FLRT2: variants seen among roughly 807,000 people sequenced by gnomAD.
FLRT2 encodes leucine-rich repeat transmembrane protein FLRT2.
FLRT2 carries 15 observed loss-of-function variants against 40.0 expected under a neutral mutation model. That is an observed-to-expected ratio of 0.38 (90% CI 0.25 to 0.58). FLRT2 has a LOEUF of 0.58. Among genes scored for constraint, FLRT2 ranks in the 20% least tolerant of loss-of-function variants. The pLI is 0.71. For synonymous variants in FLRT2, 380 were observed against 336.8 expected, an observed-to-expected ratio of 1.13 and a Z score of -1.41; for missense variants, 726 against 840.0, an observed-to-expected ratio of 0.86 and a Z score of 1.68.
At chr14:85,552,501 C>A (rs538182134) in intron 1 of FLRT2, among the ~76,000 whole-genome samples, 141 of 152,186 alleles carry the variant, frequency 9.3e-4, no homozygotes, top group Non-Finnish European at 1.8e-3. Context: ...AGGTGAGTAT[C>A]ACTGATGTTT....
intron 1 of FLRT2, among the ~76,000 whole-genome samples, chr14:85,572,886 T>G (rs1006187083): frequency 6.6e-6 from 1 of 152,162 alleles, no homozygotes; most frequent in East Asian, 1.9e-4. Flanking sequence ...TCTTATGGCC[T>G]GTGGAACCTG....
At chr14:85,577,160 C>A (rs556138506) in intron 1 of FLRT2, among the ~76,000 whole-genome samples, 1 of 152,212 alleles carries the variant, frequency 6.6e-6, no homozygotes, top group African/African-American at 2.4e-5. Flanking sequence ...TTTGGGGGAA[C>A]CCTATTTAAA....
chr14:85,621,741 A>G lies in FLRT2; in HGVS notation c.227A>G (p.Asn76Ser). 5.6e-6 allele frequency: 9 copies of G among 1,614,160 alleles called. No individual in the cohort carries two copies. The highest frequency in any genetic ancestry group is 7.6e-6 in the Non-Finnish European group (9 of 1,180,026). Residue 76 changes from asparagine to serine, a missense_variant, in exon 2 of 2, where the codon AAT becomes AGT. Asn to Ser is a conservative substitution (Grantham distance 46). Coordinates refer to ENST00000330753, the MANE Select transcript of FLRT2 (RefSeq NM_013231.6). ...TVLYLHNNQI[N>S]NAGFPAELHN... ...CTCTACCTCCACAACAACCAAATTA[A>G]TAATGCTGGATTTCCTGCAGAACTG... is the stretch of plus-strand genomic sequence containing the variant.
intron 1 of FLRT2, among the ~76,000 whole-genome samples, chr14:85,533,141 G>C (rs547416314): frequency 6.6e-6 from 1 of 152,302 alleles, no homozygotes; most frequent in East Asian, 1.9e-4. Flanking sequence ...GAGGGACTCC[G>C]GGAGAGAGGG....
At chr14:85,615,377 A>G (rs1266415253) in intron 1 of FLRT2, among the ~76,000 whole-genome samples, 1 of 152,226 alleles carries the variant, frequency 6.6e-6, no homozygotes, top group Non-Finnish European at 1.5e-5. Flanking sequence ...TGCCAAGAGC[A>G]TAGCTTTTCC....
intron 1 of FLRT2, among the ~76,000 whole-genome samples, chr14:85,532,719 A>C (rs1413361611): frequency 6.6e-6 from 1 of 152,206 alleles, no homozygotes; most frequent in Non-Finnish European, 1.5e-5. Context: ...GTCCAGGATG[A>C]GGGAACTAGT....
Position 85,628,032 on chromosome 14 carries a change from T to C in FLRT2, c.*4535T>C, listed in dbSNP as rs1036554391. 4.4e-5 allele frequency: 7 copies of C among 159,286 alleles called. No homozygotes were observed. Among genetic ancestry groups the C allele is most frequent in the African/African-American group, 1.4e-4 (6 of 41,594 alleles). The allele number at this position is 159,286 out of a possible 1,614,324, so 9.9% of individuals were successfully genotyped here. On this transcript the variant is annotated 3_prime_UTR_variant, in exon 2 of 2. Coordinates refer to ENST00000330753, the MANE Select transcript of FLRT2 (RefSeq NM_013231.6). ...AGGAATAAAAGAGGTAATAGGACTT[T>C]CGTATTCTCCTATCATGAATATGAC...
At chr14:85,574,004 A>G (rs1482172654) in intron 1 of FLRT2, among the ~76,000 whole-genome samples, 1 of 152,186 alleles carries the variant, frequency 6.6e-6, no homozygotes. Context: ...GAGCTTGTAA[A>G]CATAGTGGTG....
chr14:85,642,120 G>C lies in FLRT2; in HGVS notation c.*18623G>C, dbSNP rs1894162392. On this transcript the variant is annotated 3_prime_UTR_variant, in exon 2 of 2. Transcript: ENST00000330753. ...ACTATTTTATTTCTTACAGTTTCAA[G>C]GTTGCTGTTGACAAAAAAAAAAAAA... The C allele has an allele frequency of 2.5e-5, 3 of 121,818 alleles. No individual in the cohort carries two copies. The highest frequency in any genetic ancestry group is 9.9e-5 in the African/African-American group (3 of 30,170). The allele number at this position is 121,818 out of a possible 1,614,324, so 7.5% of individuals were successfully genotyped here. A position where few individuals can be genotyped will look rare whatever the true frequency, so the allele number is the denominator to read the frequency against.
intron 1 of FLRT2, among the ~76,000 whole-genome samples, chr14:85,567,164 G>A (rs2059121635): frequency 6.9e-6 from 1 of 144,624 alleles, no homozygotes; most frequent in Admixed American, 6.8e-5. Context: ...CTTCATGAAA[G>A]TGGGTGAAAG....
At position 85,564,775 on chromosome 14, in the gene FLRT2, A is replaced by G. The variant is rs112734517; in HGVS notation, c.-377+34241A>G. Among the ~76,000 whole-genome samples, 1,131 of 152,346 alleles carry G rather than the reference A, an allele frequency of 7.4e-3. 13 individuals are homozygous for G. The highest frequency in any genetic ancestry group is 0.024 in the Middle Eastern group (7 of 294). On this transcript the variant is annotated intron_variant, in intron 1 of 1. Transcript: ENST00000330753. ...TAGTTCTTAAACTGTGCAGCTTCGC[A>G]TCCTCTGCAAATCAGCTCCTACATC...
intron 1 of FLRT2, among the ~76,000 whole-genome samples, chr14:85,546,773 C>T (rs1364544790): frequency 6.6e-6 from 1 of 152,192 alleles, no homozygotes; most frequent in African/African-American, 2.4e-5. Context: ...GTCCCTCTTC[C>T]TTCCCTCCAA....
intron 1 of FLRT2, among the ~76,000 whole-genome samples, chr14:85,565,233 G>T (rs1224128966): frequency 6.6e-6 from 1 of 152,026 alleles, no homozygotes; most frequent in African/African-American, 2.4e-5. Flanking sequence ...ATGCAGCCTG[G>T]AGTGTCATAT....
chr14:85,531,913 C>T (rs1041807047), intron 1 of FLRT2, among the ~76,000 whole-genome samples: 4 of 152,218 alleles, frequency 2.6e-5, no homozygotes, highest in Non-Finnish European at 1.5e-5. Flanking sequence ...TGCGTCTCCG[C>T]GCGGGCGTGC....
At chr14:85,603,513 G>A (rs1892472366) in intron 1 of FLRT2, among the ~76,000 whole-genome samples, 1 of 152,148 alleles carries the variant, frequency 6.6e-6, no homozygotes. Flanking sequence ...GATAATAGAT[G>A]ATGGGATTTC....
rs1198496469 is a variant in FLRT2 at position 85,626,745 on chromosome 14, T to G, written c.*3248T>G. 1 of 167,106 alleles carries G rather than the reference T, an allele frequency of 6.0e-6. No homozygotes were observed. The highest frequency in any genetic ancestry group is 1.5e-5 in the Non-Finnish European group (1 of 68,122). The allele number at this position is 167,106 out of a possible 1,614,324, so 10.4% of individuals were successfully genotyped here. A position where few individuals can be genotyped will look rare whatever the true frequency, so the allele number is the denominator to read the frequency against. On this transcript the variant is annotated 3_prime_UTR_variant, in exon 2 of 2. Coordinates refer to ENST00000330753, the MANE Select transcript of FLRT2 (RefSeq NM_013231.6). ...GGAAAACATTCTCCCCTGTGAGAAA[T>G]AATGCAATTTCTAATTATCTGGATG...
intron 1 of FLRT2, among the ~76,000 whole-genome samples, chr14:85,532,788 T>G (rs1229294053): frequency 6.6e-6 from 1 of 152,100 alleles, no homozygotes; most frequent in Non-Finnish European, 1.5e-5. Context: ...AATAACGCCA[T>G]TTTGGTTGAG....
chr14:85,545,201 G>C (rs1889212044), intron 1 of FLRT2, among the ~76,000 whole-genome samples: 1 of 151,910 alleles, frequency 6.6e-6, no homozygotes, highest in Admixed American at 6.6e-5. Context: ...CAGAAGTCCA[G>C]TAATAACAAC....
At chr14:85,573,617 A>G (rs1326937890) in intron 1 of FLRT2, among the ~76,000 whole-genome samples, 2 of 152,152 alleles carry the variant, frequency 1.3e-5, no homozygotes, top group Admixed American at 1.3e-4. Context: ...TTCAAGACAC[A>G]GGATGTGAGG....
Sources: gnomAD v4.1 joint callset for allele counts (sites outside exome capture counted in the v4.1 genomes callset) on GRCh38, gnomAD v4.1.1 for gene constraint, MANE v1.5 for transcripts, NCBI Gene and HGNC (gene_info 2026-07-23, HGNC 2026-07-21) for gene names.